The following ZNF385B variants were observed in gnomAD, a reference collection of about 807,000 sequenced individuals.
The protein encoded by ZNF385B is zinc finger protein 533.
A neutral mutation model predicts 39.2 loss-of-function variants in ZNF385B; 23 were observed. That is an observed-to-expected ratio of 0.59 (90% CI 0.42 to 0.83). ZNF385B has a LOEUF of 0.83. Among genes scored for constraint, ZNF385B ranks in the 40% least tolerant of loss-of-function variants. The pLI is 0.00. For synonymous variants in ZNF385B, 205 were observed against 222.6 expected (o/e 0.92, Z 0.70); for missense variants, 552 against 598.9 (o/e 0.92, Z 0.82).
At chr2:179,701,911 T>A (rs1341903060) in intron 3 of ZNF385B, among the ~76,000 whole-genome samples, 1 of 152,212 alleles carries the variant, frequency 6.6e-6, no homozygotes, top group East Asian at 1.9e-4. Context: ...TGGGCACCAA[T>A]CCAAGTATAA....
In ZNF385B at chr2:179,783,261, C is replaced by T. The variant is rs117063961; in HGVS notation, c.-154-12589G>A. ...AGTCCCTATTCGATAAATTGTGCTG[C>T]GATAACTTGCTAGCCATATGTAGAA... On this transcript the variant is annotated intron_variant, in intron 1 of 9. Transcript: ENST00000410066. 1.6e-3 allele frequency among the ~76,000 whole-genome samples: 243 copies of T among 152,088 alleles called. 2 individuals carry two copies. The East Asian group carries it at 0.026, about 16-fold the overall frequency.
At chr2:179,477,325 A>G (rs1184574797) in intron 6 of ZNF385B, among the ~76,000 whole-genome samples, 2 of 152,226 alleles carry the variant, frequency 1.3e-5, no homozygotes, top group African/African-American at 2.4e-5. Context: ...TTTGAGGCAA[A>G]TCATACTGAT....
intron 1 of ZNF385B, among the ~76,000 whole-genome samples, chr2:179,813,619 C>A (rs190309743): frequency 6.6e-6 from 1 of 152,216 alleles, no homozygotes; most frequent in Non-Finnish European, 1.5e-5. Flanking sequence ...AAGTGACATC[C>A]ACCCTATAGT....
At chr2:179,742,381 G>C (rs1702136834) in intron 3 of ZNF385B, among the ~76,000 whole-genome samples, 1 of 152,030 alleles carries the variant, frequency 6.6e-6, no homozygotes, top group Admixed American at 6.6e-5. Context: ...AAAGTAGGTA[G>C]AGTTTCCAGA....
chr2:179,787,772 A>AAC, intron 1 of ZNF385B, among the ~76,000 whole-genome samples: 1 of 152,314 alleles, frequency 6.6e-6, no homozygotes, highest in South Asian at 2.1e-4. Flanking sequence ...AAAGGAGCTG[A>AAC]ACACATGTTC....
chr2:179,443,838 T>C (rs2049199993), intron 9 of ZNF385B, among the ~76,000 whole-genome samples: 1 of 152,204 alleles, frequency 6.6e-6, no homozygotes. Context: ...CTAGAGACTT[T>C]TGTTTTGTTT....
chr2:179,718,349 T>TAA (rs1248184980), intron 3 of ZNF385B, among the ~76,000 whole-genome samples: 1 of 148,408 alleles, frequency 6.7e-6, no homozygotes, highest in Non-Finnish European at 1.5e-5. Flanking sequence ...GATATATATA[T>TAA]AATCATTTAT....
chr2:179,624,617 T>A (rs185531431), intron 3 of ZNF385B, among the ~76,000 whole-genome samples: 257 of 152,276 alleles, frequency 1.7e-3, no homozygotes, highest in African/African-American at 5.9e-3. Flanking sequence ...GAGTAAAAAA[T>A]TATTCCCATG....
chr2:179,502,037 A>T (rs1045170800), intron 5 of ZNF385B, among the ~76,000 whole-genome samples: 6 of 152,204 alleles, frequency 3.9e-5, no homozygotes, highest in Admixed American at 3.9e-4. Context: ...TTGGCATTAG[A>T]TCCTGACTGC....
At chr2:179,723,799 G>C (rs974305225) in intron 3 of ZNF385B, among the ~76,000 whole-genome samples, 1 of 151,994 alleles carries the variant, frequency 6.6e-6, no homozygotes, top group African/African-American at 2.4e-5. Context: ...TATACTTTCT[G>C]AAAATATTAT....
intron 3 of ZNF385B, among the ~76,000 whole-genome samples, chr2:179,716,680 A>G (rs1700351993): frequency 6.6e-6 from 1 of 152,190 alleles, no homozygotes. Flanking sequence ...TAACCAACAG[A>G]ATGTGGTAAA....
intron 3 of ZNF385B, among the ~76,000 whole-genome samples, chr2:179,623,055 C>A (rs1453420317): frequency 1.3e-5 from 2 of 152,192 alleles, no homozygotes; most frequent in Non-Finnish European, 2.9e-5. Context: ...AAAATGTTGG[C>A]ACTTGGCGCT....
chr2:179,727,531 A>G (rs896604578), intron 3 of ZNF385B, among the ~76,000 whole-genome samples: 1 of 152,116 alleles, frequency 6.6e-6, no homozygotes, highest in African/African-American at 2.4e-5. Context: ...GGAAACAGCA[A>G]CAACGTTTGC....
intron 3 of ZNF385B, among the ~76,000 whole-genome samples, chr2:179,571,385 T>C (rs892605646): frequency 6.6e-6 from 1 of 152,204 alleles, no homozygotes; most frequent in Non-Finnish European, 1.5e-5. Context: ...AAGCTAAGTC[T>C]TTTAAAGAGT....
In ZNF385B at chr2:179,630,264, G is replaced by C. The variant is rs1173096948; in HGVS notation, c.299-85295C>G. On this transcript the variant is annotated intron_variant, in intron 3 of 9. Transcript: ENST00000410066. ...CTAACTGGGAGACACCTCCCAGTAG[G>C]GGCTGACAGACACCTCACATAGGTG... Among the ~76,000 whole-genome samples, 2 of 152,212 alleles carry C rather than the reference G, an allele frequency of 1.3e-5. 1 individual carries two copies. Among genetic ancestry groups the C allele is most frequent in the Non-Finnish European group, 2.9e-5 (2 of 68,040 alleles).
At chr2:179,583,131 C>T (rs974614116) in intron 3 of ZNF385B, among the ~76,000 whole-genome samples, 4 of 152,122 alleles carry the variant, frequency 2.6e-5, no homozygotes, top group Non-Finnish European at 5.9e-5. Flanking sequence ...GCATGACCTT[C>T]TTCACCCTGT....
intron 1 of ZNF385B, among the ~76,000 whole-genome samples, chr2:179,815,543 G>C (rs1185424270): frequency 6.6e-6 from 1 of 152,108 alleles, no homozygotes; most frequent in Non-Finnish European, 1.5e-5. Flanking sequence ...AAATCATTTT[G>C]TTTCAGGAAC....
At chr2:179,788,836 T>C (rs537513848) in intron 1 of ZNF385B, among the ~76,000 whole-genome samples, 1 of 152,278 alleles carries the variant, frequency 6.6e-6, no homozygotes, top group South Asian at 2.1e-4. Flanking sequence ...CTGTGACCTG[T>C]TCATTTTGTC....
At chr2:179,820,254 G>T (rs537580953) in intron 1 of ZNF385B, among the ~76,000 whole-genome samples, 1 of 151,986 alleles carries the variant, frequency 6.6e-6, no homozygotes. Flanking sequence ...ATAACACGTA[G>T]ATTTCATTAC....
Sources: gnomAD v4.1 joint callset for allele counts (sites outside exome capture counted in the v4.1 genomes callset) on GRCh38, gnomAD v4.1.1 for gene constraint, MANE v1.5 for transcripts, NCBI Gene and HGNC (gene_info 2026-07-23, HGNC 2026-07-21) for gene names.